Variants in SPECC1L observed in about 807,000 individuals in gnomAD.
The protein encoded by SPECC1L is sperm antigen with calponin homology and coiled-coil domains 1 like.
A neutral mutation model predicts 116.8 loss-of-function variants in SPECC1L; 40 were observed. The observed-to-expected ratio is 0.34, with a 90% CI of 0.27 to 0.45. SPECC1L has a LOEUF of 0.45. Among genes scored for constraint, SPECC1L ranks in the 20% least tolerant of loss-of-function variants. The pLI is 1.00. For missense variants in SPECC1L, 1,110 were observed against 1,373.6 expected, an observed-to-expected ratio of 0.81 and a Z score of 3.03; for synonymous variants, 504 against 500.6, an observed-to-expected ratio of 1.01 and a Z score of -0.09.
At chr22:24,334,835 C>T (rs2041019555) in intron 9 of SPECC1L, among the ~76,000 whole-genome samples, 1 of 152,188 alleles carries the variant, frequency 6.6e-6, no homozygotes, top group African/African-American at 2.4e-5. Flanking sequence ...CACACACATT[C>T]CTGTTACTTT....
At chr22:24,323,198 C>T in intron 5 of SPECC1L, 1 of 730,858 alleles carries the variant, frequency 1.4e-6, no homozygotes, top group Non-Finnish European at 1.7e-6. Flanking sequence ...GTCCCTAGTT[C>T]TGAGTATTCC....
chr22:24,401,420 G>A (rs1569448806), intron 14 of SPECC1L, among the ~76,000 whole-genome samples: 1 of 152,192 alleles, frequency 6.6e-6, no homozygotes, highest in African/African-American at 2.4e-5. Flanking sequence ...CTGTCCATTC[G>A]CAGCAGGACT....
At chr22:24,309,462 G>T (rs1000843644) in intron 3 of SPECC1L, among the ~76,000 whole-genome samples, 13 of 152,016 alleles carry the variant, frequency 8.6e-5, no homozygotes, top group African/African-American at 3.1e-4. Context: ...GTACAGTGGC[G>T]AGATCTCGGC....
chr22:24,344,132 C>T (rs1187108608), intron 10 of SPECC1L, among the ~76,000 whole-genome samples: 1 of 151,948 alleles, frequency 6.6e-6, no homozygotes, highest in Non-Finnish European at 1.5e-5. Flanking sequence ...TACCTGATAG[C>T]AAAACCAGAC....
chr22:24,293,808 A>T (rs1434594154), intron 2 of SPECC1L, among the ~76,000 whole-genome samples: 1 of 123,502 alleles, frequency 8.1e-6, no homozygotes, highest in East Asian at 2.3e-4. Context: ...GGGAATCGCC[A>T]TGGTGGTCTT....
chr22:24,356,155 CAG>C (rs2041528873), intron 11 of SPECC1L, among the ~76,000 whole-genome samples: 2 of 152,070 alleles, frequency 1.3e-5, no homozygotes, highest in African/African-American at 4.8e-5. Flanking sequence ...TGTTATTGGG[CAG>C]AGTGTTTTAT....
At chr22:24,408,365 G>A (rs979665903) in intron 14 of SPECC1L, among the ~76,000 whole-genome samples, 12 of 152,254 alleles carry the variant, frequency 7.9e-5, no homozygotes, top group Non-Finnish European at 1.3e-4. Context: ...GCAGAGAGCC[G>A]CATGGAGGGC....
At chr22:24,325,183 C>T (rs1193074722) in intron 6 of SPECC1L, among the ~76,000 whole-genome samples, 1 of 152,110 alleles carries the variant, frequency 6.6e-6, no homozygotes, top group Non-Finnish European at 1.5e-5. Context: ...TTTCCTTGGT[C>T]GACTTGAATG....
chr22:24,365,394 TGGAA>T, intron 12 of SPECC1L, 78 bp from the exon 13 acceptor site: 1 of 1,308,878 alleles, frequency 7.6e-7, no homozygotes. Context: ...CTGTTGTTTT[TGGAA>T]TCTTCAGAAA....
At chr22:24,334,972 T>C (rs2041022445) in intron 9 of SPECC1L, among the ~76,000 whole-genome samples, 1 of 152,222 alleles carries the variant, frequency 6.6e-6, no homozygotes, top group Admixed American at 6.5e-5. Flanking sequence ...CCTGGACATC[T>C]GAAGTCCAAA....
intron 12 of SPECC1L, among the ~76,000 whole-genome samples, chr22:24,364,619 G>A (rs990251919): frequency 1.4e-5 from 2 of 141,860 alleles, no homozygotes; most frequent in East Asian, 2.1e-4. Flanking sequence ...GCCGAGATGC[G>A]CCACTGCACT....
chr22:24,279,075 G>A (rs992439836), intron 2 of SPECC1L, among the ~76,000 whole-genome samples: 22 of 152,148 alleles, frequency 1.4e-4, no homozygotes, highest in Non-Finnish European at 2.9e-4. Context: ...TTCGGGGGAC[G>A]TGGCAAAACT....
chr22:24,408,476 C>T (rs759274626), intron 14 of SPECC1L, among the ~76,000 whole-genome samples: 2 of 152,244 alleles, frequency 1.3e-5, no homozygotes, highest in Admixed American at 6.5e-5. Flanking sequence ...AGGATTCTCA[C>T]CTGGCCTAGG....
intron 14 of SPECC1L, among the ~76,000 whole-genome samples, chr22:24,409,204 G>T (rs1052828300): frequency 1.3e-5 from 2 of 152,188 alleles, no homozygotes; most frequent in Non-Finnish European, 2.9e-5. Flanking sequence ...TTCCTGGGAG[G>T]AGTATAAAGT....
At chr22:24,355,401 G>A (rs1234068355) in intron 11 of SPECC1L, among the ~76,000 whole-genome samples, 2 of 151,110 alleles carry the variant, frequency 1.3e-5, no homozygotes, top group African/African-American at 4.9e-5. Flanking sequence ...GTATGTATAT[G>A]TACCAACTCA....
Position 24,334,591 on chromosome 22 carries a change from C to T in SPECC1L, c.2560+18C>T, listed in dbSNP as rs771593261. The T allele has an allele frequency of 1.2e-6, 2 of 1,613,684 alleles. No homozygotes were observed. Among genetic ancestry groups the T allele is most frequent in the South Asian group, 1.1e-5 (1 of 91,070 alleles). The stretch of plus-strand genomic sequence containing the variant: ...ATCTCAAGGTAATTAATTTCTCCTA[C>T]ATTGTGCCTACTGCATGCGGTTGTG... On this transcript the variant is annotated intron_variant, in intron 9 of 16. Coordinates refer to ENST00000314328, the MANE Select transcript of SPECC1L (RefSeq NM_015330.6).
chr22:24,358,943 A>G (rs5760363), intron 11 of SPECC1L, among the ~76,000 whole-genome samples: 12,083 of 152,138 alleles, frequency 0.079, 922 homozygotes, highest in African/African-American at 0.19. Flanking sequence ...ACGTTTATCC[A>G]CTTATCTGAC....
chr22:24,324,948 G>T (rs553663134), intron 6 of SPECC1L, among the ~76,000 whole-genome samples: 1 of 152,156 alleles, frequency 6.6e-6, no homozygotes, highest in South Asian at 2.1e-4. Flanking sequence ...AGCGAGAATG[G>T]ATTATTTTTT....
chr22:24,358,242 G>C (rs1034730743), intron 11 of SPECC1L, among the ~76,000 whole-genome samples: 1 of 150,830 alleles, frequency 6.6e-6, no homozygotes, highest in Non-Finnish European at 1.5e-5. Context: ...AGTCCCCCAA[G>C]TAGCTAGGGC....
Sources: gnomAD v4.1 joint callset for allele counts (sites outside exome capture counted in the v4.1 genomes callset) on GRCh38, gnomAD v4.1.1 for gene constraint, MANE v1.5 for transcripts, NCBI Gene and HGNC (gene_info 2026-07-23, HGNC 2026-07-21) for gene names.